Variants in SEMA5A observed in about 807,000 individuals in gnomAD.
SEMA5A encodes semaphorin-5A.
A neutral mutation model predicts 135.5 loss-of-function variants in SEMA5A; 55 were observed. That is an observed-to-expected ratio of 0.41 (90% CI 0.33 to 0.51). The LOEUF is 0.51. Ranked by LOEUF, SEMA5A falls within the 20% of genes least tolerant of loss-of-function variation. The pLI, the probability that SEMA5A is intolerant of heterozygous loss-of-function variation, is 0.37. For missense variants in SEMA5A, 1,290 were observed against 1,419.9 expected, an observed-to-expected ratio of 0.91 and a Z score of 1.47; for synonymous variants, 580 against 546.5, an observed-to-expected ratio of 1.06 and a Z score of -0.85.
At chr5:9,410,490 G>A (rs1427536177) in intron 2 of SEMA5A, among the ~76,000 whole-genome samples, 1 of 152,096 alleles carries the variant, frequency 6.6e-6, no homozygotes, top group Non-Finnish European at 1.5e-5. Flanking sequence ...AAGCATTCAG[G>A]CTACTCTTTT....
At chr5:9,175,449 A>C (rs1220452207) in intron 11 of SEMA5A, among the ~76,000 whole-genome samples, 1 of 152,088 alleles carries the variant, frequency 6.6e-6, no homozygotes, top group Non-Finnish European at 1.5e-5. Flanking sequence ...AGAGGGGTGC[A>C]AGCAGAGATG....
At chr5:9,391,990 T>C (rs1756181585) in intron 2 of SEMA5A, among the ~76,000 whole-genome samples, 2 of 152,154 alleles carry the variant, frequency 1.3e-5, no homozygotes, top group African/African-American at 2.4e-5. Context: ...CATATGCACA[T>C]GCACGCGTGT....
chr5:9,259,275 AT>A (rs1177482977), intron 5 of SEMA5A, among the ~76,000 whole-genome samples: 1 of 152,134 alleles, frequency 6.6e-6, no homozygotes, highest in Non-Finnish European at 1.5e-5. Flanking sequence ...GTAGTACCAA[AT>A]TTTTCCCCAC....
chr5:9,384,158 G>A (rs1032184889), intron 2 of SEMA5A, among the ~76,000 whole-genome samples: 2 of 152,120 alleles, frequency 1.3e-5, no homozygotes, highest in African/African-American at 2.4e-5. Context: ...ATGCAGAGAC[G>A]TGGGCTTTTT....
At chr5:9,277,385 A>T (rs1406986030) in intron 5 of SEMA5A, among the ~76,000 whole-genome samples, 1 of 152,246 alleles carries the variant, frequency 6.6e-6, no homozygotes. Context: ...AATTAGTTCA[A>T]CAATGGTGGA....
At chr5:9,419,224 TGA>T (rs1757382030) in intron 2 of SEMA5A, among the ~76,000 whole-genome samples, 1 of 152,214 alleles carries the variant, frequency 6.6e-6, no homozygotes, top group Non-Finnish European at 1.5e-5. Context: ...CACTGTGGTG[TGA>T]GAGTGTCCTT....
intron 15 of SEMA5A, among the ~76,000 whole-genome samples, chr5:9,116,732 C>A (rs2150172971): frequency 6.6e-6 from 1 of 152,268 alleles, no homozygotes; most frequent in Admixed American, 6.5e-5. Flanking sequence ...ATTTTGTATG[C>A]CTAGTTCTTA....
chr5:9,442,032 G>A (rs563466471), intron 1 of SEMA5A, among the ~76,000 whole-genome samples: 54 of 152,298 alleles, frequency 3.5e-4, no homozygotes, highest in African/African-American at 8.4e-4. Context: ...GTAAAAAGCC[G>A]CCACCAGAGA....
At chr5:9,532,175 A>T (rs1050788373) in intron 1 of SEMA5A, among the ~76,000 whole-genome samples, 1 of 152,250 alleles carries the variant, frequency 6.6e-6, no homozygotes, top group Non-Finnish European at 1.5e-5. Flanking sequence ...GTTTGTCAGA[A>T]TAAAGATCTT....
intron 22 of SEMA5A, among the ~76,000 whole-genome samples, chr5:9,043,512 C>A (rs75869396): frequency 6.6e-6 from 1 of 152,138 alleles, no homozygotes; most frequent in African/African-American, 2.4e-5. Context: ...TCATCCTGAA[C>A]TTATTAGAAG....
rs903103790 is a variant in SEMA5A at position 9,184,122 on chromosome 5, T to G, written c.1273+6145A>C. 5.8e-5 allele frequency among the ~76,000 whole-genome samples: 7 copies of G among 120,176 alleles called. No homozygotes were observed. The South Asian group carries it at 7.6e-4, about 13-fold the overall frequency. 78.8% of individuals were successfully genotyped at this position (120,176 alleles called of 152,430 possible). A position where few individuals can be genotyped will look rare whatever the true frequency, so the allele number is the denominator to read the frequency against. On this transcript the variant is annotated intron_variant, in intron 11 of 22. Coordinates refer to ENST00000382496, the MANE Select transcript of SEMA5A (RefSeq NM_003966.3). Reference sequence around the variant, plus strand: ...AGATTTTCATTTTTGTGAGTGTCTGTTTTTTTTTATTCTTGGATGAGTATA... The same window carrying G: ...AGATTTTCATTTTTGTGAGTGTCTGGTTTTTTTTATTCTTGGATGAGTATA...
intron 2 of SEMA5A, among the ~76,000 whole-genome samples, chr5:9,398,707 T>C (rs888280607): frequency 5.3e-5 from 8 of 152,234 alleles, no homozygotes; most frequent in African/African-American, 1.9e-4. Context: ...CAATTTTCTG[T>C]GTCTAATGTC....
intron 4 of SEMA5A, among the ~76,000 whole-genome samples, chr5:9,325,238 CTTTT>C (rs10710962): frequency 6.9e-6 from 1 of 145,252 alleles, no homozygotes; most frequent in African/African-American, 2.5e-5. Context: ...TATGGATCTA[CTTTT>C]TTTTTTTTTT....
At chr5:9,189,449 T>A (rs1184883456) in intron 11 of SEMA5A, among the ~76,000 whole-genome samples, 1 of 132,950 alleles carries the variant, frequency 7.5e-6, no homozygotes, top group Non-Finnish European at 1.6e-5. Flanking sequence ...TAACTAGGAA[T>A]TGAGAGGTTC....
chr5:9,108,056 A>G, intron 16 of SEMA5A, 84 bp downstream of exon 16: 1 of 1,483,638 alleles, frequency 6.7e-7, no homozygotes, highest in South Asian at 1.3e-5. Context: ...CAGAACATCT[A>G]GTGTGTGCAG....
chr5:9,272,829 G>A (rs746941103), intron 5 of SEMA5A, among the ~76,000 whole-genome samples: 1 of 152,112 alleles, frequency 6.6e-6, no homozygotes, highest in African/African-American at 2.4e-5. Context: ...CAACCAAAAG[G>A]ATGCCCACTC....
At chr5:9,538,080 G>GTT (rs1196764738) in intron 1 of SEMA5A, among the ~76,000 whole-genome samples, 14 of 152,344 alleles carry the variant, frequency 9.2e-5, no homozygotes, top group African/African-American at 3.4e-4. Flanking sequence ...GGAAGGTGCA[G>GTT]TAAACAAGGT....
intron 1 of SEMA5A, among the ~76,000 whole-genome samples, chr5:9,539,257 G>C (rs971797022): frequency 6.6e-6 from 1 of 152,192 alleles, no homozygotes; most frequent in Non-Finnish European, 1.5e-5. Flanking sequence ...ACAAGGTTTT[G>C]AGGTTCATAC....
intron 15 of SEMA5A, among the ~76,000 whole-genome samples, chr5:9,108,954 C>T (rs1740077186): frequency 6.7e-6 from 1 of 150,182 alleles, no homozygotes; most frequent in Non-Finnish European, 1.5e-5. Flanking sequence ...TATACTTCTA[C>T]ATATTTTTCC....
Sources: allele counts gnomAD v4.1 joint callset (sites outside exome capture counted in the v4.1 genomes callset), GRCh38; gene constraint gnomAD v4.1.1; transcripts MANE v1.5; gene names NCBI Gene and HGNC (gene_info 2026-07-23, HGNC 2026-07-21).